The following CREBRF variants were observed in gnomAD, a reference collection of about 807,000 sequenced individuals.
The protein encoded by CREBRF is CREB3 regulatory factor.
A neutral mutation model predicts 66.1 loss-of-function variants in CREBRF; 5 were observed. The ratio of observed to expected loss-of-function variants is 0.08; its 90% CI spans 0.04 to 0.16. The LOEUF is 0.16. Ranked by LOEUF, CREBRF falls within the 10% of genes least tolerant of loss-of-function variation. The pLI, the probability that CREBRF is intolerant of heterozygous loss-of-function variation, is 1.00. For missense variants in CREBRF, 531 were observed against 744.9 expected (o/e 0.71, Z 3.34); for synonymous variants, 229 against 264.4 (o/e 0.87, Z 1.30).
At chr5:173,070,290 G>T (rs1757559216) in intron 1 of CREBRF, among the ~76,000 whole-genome samples, 1 of 152,116 alleles carries the variant, frequency 6.6e-6, no homozygotes, top group Non-Finnish European at 1.5e-5. Context: ...CTGGAATCCT[G>T]CTGTGTGCTC....
intron 5 of CREBRF, chr5:173,109,623 A>G (rs556568640): frequency 2.5e-4 from 38 of 152,326 alleles, no homozygotes; most frequent in African/African-American, 8.7e-4. Flanking sequence ...AATAAAAAAA[A>G]TTAATACAAA....
intron 1 of CREBRF, among the ~76,000 whole-genome samples, chr5:173,075,540 G>A (rs1757734267): frequency 6.6e-6 from 1 of 152,224 alleles, no homozygotes; most frequent in Admixed American, 6.5e-5. Flanking sequence ...GAATTGTTGA[G>A]TGGGACCTAT....
chr5:173,082,955 A>G (rs1348548468), intron 2 of CREBRF, among the ~76,000 whole-genome samples: 1 of 134,114 alleles, frequency 7.5e-6, no homozygotes, highest in Non-Finnish European at 1.5e-5. Context: ...AACCGGGTGC[A>G]GTGGCTTGCA....
intron 1 of CREBRF, among the ~76,000 whole-genome samples, chr5:173,056,898 G>C (rs1163437147): frequency 6.6e-6 from 1 of 151,964 alleles, no homozygotes; most frequent in East Asian, 1.9e-4. Context: ...GGGCCCGGGA[G>C]GGGAGGGGAG....
chr5:173,072,320 G>T (rs1757620763), intron 1 of CREBRF, among the ~76,000 whole-genome samples: 1 of 151,802 alleles, frequency 6.6e-6, no homozygotes, highest in Non-Finnish European at 1.5e-5. Context: ...CTGTCGCCCA[G>T]GCTGGAGTGC....
rs1290821134 is a variant in CREBRF at position 173,134,280 on chromosome 5, A to ATG, written c.*536_*537insGT. On this transcript the variant is annotated 3_prime_UTR_variant, in exon 9 of 9. Coordinates refer to ENST00000296953, the MANE Select transcript of CREBRF (RefSeq NM_153607.3). ...GATATATATAAATATATATATATAT[A>ATG]TATATATATACACACACACACACAA... 6.5e-6 allele frequency: 1 copy of ATG among 153,702 alleles called. No homozygotes were observed. The highest frequency in any genetic ancestry group is 2.8e-5 in the African/African-American group (1 of 35,648). The allele number at this position is 153,702 out of a possible 1,614,324, so 9.5% of individuals were successfully genotyped here.
At chr5:173,102,700 C>T (rs73331193) in intron 4 of CREBRF, among the ~76,000 whole-genome samples, 4,531 of 152,150 alleles carry the variant, frequency 0.03, 214 homozygotes, top group African/African-American at 0.1. Context: ...CAGGCACCAG[C>T]GTGGCATGGG....
rs1021936947 is a variant in CREBRF at position 173,056,496 on chromosome 5, G to A, written c.-192+17G>A. 7.5e-6 allele frequency: 3 copies of A among 398,214 alleles called. No individual in the cohort carries two copies. Among genetic ancestry groups the A allele is most frequent in the Non-Finnish European group, 1.3e-5 (3 of 225,878 alleles). 24.7% of individuals were successfully genotyped at this position (398,214 alleles called of 1,614,324 possible). The stretch of plus-strand genomic sequence containing the variant: ...CACCCACAGGTGAGCGCCGCCACCC[G>A]CTGCTCGGAACCCCCAGGGGCCTGG... On this transcript the variant is annotated intron_variant, in intron 1 of 8. Transcript: ENST00000296953.
chr5:173,086,947 TG>T (rs68157277), intron 3 of CREBRF, among the ~76,000 whole-genome samples: 64,348 of 135,012 alleles, frequency 0.48, 15,864 homozygotes, highest in Non-Finnish European at 0.56. Context: ...CAACTAATTT[TG>T]TTTTTTTTTT....
intron 7 of CREBRF, among the ~76,000 whole-genome samples, chr5:173,121,242 TG>T (rs895562417): frequency 6.6e-6 from 1 of 152,178 alleles, no homozygotes; most frequent in African/African-American, 2.4e-5. Context: ...CTTTTGGCTT[TG>T]TTAATTTTCC....
intron 2 of CREBRF, 128 bp from the exon 3 acceptor site, chr5:173,086,372 GA>G (rs897579063): frequency 2.9e-5 from 24 of 832,372 alleles, no homozygotes; most frequent in African/African-American, 1.2e-4. Flanking sequence ...CTATACAGTA[GA>G]AAAAAAGTAT....
At chr5:173,071,576 T>A (rs1378444815) in intron 1 of CREBRF, among the ~76,000 whole-genome samples, 1 of 151,544 alleles carries the variant, frequency 6.6e-6, no homozygotes, top group Non-Finnish European at 1.5e-5. Context: ...ACTCCTAGGC[T>A]CAAGTGATCC....
chr5:173,068,884 C>T (rs1757514252), intron 1 of CREBRF, among the ~76,000 whole-genome samples: 1 of 148,834 alleles, frequency 6.7e-6, no homozygotes, highest in Admixed American at 6.7e-5. Flanking sequence ...GCCTGGGCAA[C>T]ATGGTGAAAC....
intron 2 of CREBRF, 62 bp from the exon 3 acceptor site, chr5:173,086,439 A>C: frequency 6.7e-7 from 1 of 1,499,434 alleles, no homozygotes; most frequent in Non-Finnish European, 9.2e-7. Flanking sequence ...TGGGGCTCAT[A>C]TGTGATAAAT....
intron 7 of CREBRF, among the ~76,000 whole-genome samples, chr5:173,117,770 G>C (rs1300079088): frequency 6.7e-6 from 1 of 148,904 alleles, no homozygotes; most frequent in African/African-American, 2.5e-5. Flanking sequence ...GAGTCCAGTG[G>C]TGCGATCTCA....
intron 3 of CREBRF, among the ~76,000 whole-genome samples, chr5:173,088,252 ATTCTTTTTTT>A (rs1758222425): frequency 9.1e-6 from 1 of 109,358 alleles, no homozygotes; most frequent in African/African-American, 3.5e-5. Flanking sequence ...CATCAAATAC[ATTCTTTTTTT>A]TTTTTTTTTT....
chr5:173,083,637 A>ACT (rs966608455), intron 2 of CREBRF, among the ~76,000 whole-genome samples: 10 of 152,160 alleles, frequency 6.6e-5, no homozygotes, highest in African/African-American at 2.4e-4. Context: ...AAGACATGGG[A>ACT]CTCAGCAGCA....
chr5:173,064,962 G>T (rs755601594), intron 1 of CREBRF, among the ~76,000 whole-genome samples: 1 of 152,130 alleles, frequency 6.6e-6, no homozygotes, highest in Admixed American at 6.6e-5. Flanking sequence ...TCCTGCCTCA[G>T]CCTCCCAAAG....
At chr5:173,130,595 G>A (rs1759400789) in intron 8 of CREBRF, among the ~76,000 whole-genome samples, 1 of 151,594 alleles carries the variant, frequency 6.6e-6, no homozygotes, top group Non-Finnish European at 1.5e-5. Flanking sequence ...TGCTATCATA[G>A]CTCACTGCAG....
Sources: allele counts gnomAD v4.1 joint callset (sites outside exome capture counted in the v4.1 genomes callset), GRCh38; gene constraint gnomAD v4.1.1; transcripts MANE v1.5; gene names NCBI Gene and HGNC (gene_info 2026-07-23, HGNC 2026-07-21).